PDE3A: variants seen among roughly 807,000 people sequenced by gnomAD.
PDE3A encodes the protein cGMP-inhibited 3',5'-cyclic phosphodiesterase 3A.
PDE3A carries 43 observed loss-of-function variants against 98.3 expected under a neutral mutation model. That is an observed-to-expected ratio of 0.44 (90% CI 0.34 to 0.56). The LOEUF (loss-of-function observed/expected upper bound fraction) is 0.56, where lower values mean the gene tolerates loss of function less well. Ranked by LOEUF, PDE3A falls within the 20% of genes least tolerant of loss-of-function variation. The probability of loss-of-function intolerance (pLI) is 0.01; values close to 1 mark genes in which losing one functional copy is unlikely to be tolerated. For missense variants in PDE3A, 1,427 were observed against 1,440.7 expected (o/e 0.99, Z 0.15); for synonymous variants, 663 against 567.9 (o/e 1.17, Z -2.38).
At chr12:20,459,586 T>C (rs1031023354) in intron 1 of PDE3A, among the ~76,000 whole-genome samples, 2 of 152,190 alleles carry the variant, frequency 1.3e-5, no homozygotes, top group Non-Finnish European at 1.5e-5. Context: ...ATCAAGAGAT[T>C]GTTTTACATT....
At chr12:20,679,310 C>G (rs967228983) in intron 15 of PDE3A, among the ~76,000 whole-genome samples, 18 of 152,162 alleles carry the variant, frequency 1.2e-4, no homozygotes, top group Admixed American at 5.9e-4. Context: ...TGCAGTGGCT[C>G]TATCTCAGCT....
chr12:20,499,142 A>G (rs1021749093), intron 1 of PDE3A, among the ~76,000 whole-genome samples: 1 of 152,182 alleles, frequency 6.6e-6, no homozygotes, highest in African/African-American at 2.4e-5. Flanking sequence ...TACTTAGTCT[A>G]ACGGTTCTAC....
Position 20,499,788 on chromosome 12 carries a change from C to G in PDE3A, c.961-56872C>G, listed in dbSNP as rs7302500. Among the ~76,000 whole-genome samples the G allele has an allele frequency of 5.8e-3, 883 of 152,274 alleles. 10 individuals carry two copies. The highest frequency in any genetic ancestry group is 0.02 in the African/African-American group (842 of 41,554). On this transcript the variant is annotated intron_variant, in intron 1 of 15. Transcript: ENST00000359062. ...ATATAACCTGCATATATTTTCTCAG[C>G]TCATATTACTAGTTCCTTTATTATA...
At chr12:20,512,917 G>T (rs965250907) in intron 1 of PDE3A, among the ~76,000 whole-genome samples, 2 of 152,008 alleles carry the variant, frequency 1.3e-5, no homozygotes, top group South Asian at 4.1e-4. Flanking sequence ...CAATAATGCC[G>T]TATTATTCAT....
intron 1 of PDE3A, among the ~76,000 whole-genome samples, chr12:20,391,995 A>G (rs535031685): frequency 6.6e-6 from 1 of 151,906 alleles, no homozygotes; most frequent in Non-Finnish European, 1.5e-5. Context: ...GGGACGTGTA[A>G]TTTTGTCGTA....
intron 1 of PDE3A, among the ~76,000 whole-genome samples, chr12:20,482,719 A>G (rs1470895035): frequency 3.9e-5 from 6 of 152,350 alleles, no homozygotes; most frequent in African/African-American, 9.6e-5. Context: ...ATAAATATCC[A>G]TTTAATCAAA....
intron 1 of PDE3A, among the ~76,000 whole-genome samples, chr12:20,547,638 C>G (rs1942091881): frequency 6.6e-6 from 1 of 151,862 alleles, no homozygotes; most frequent in Admixed American, 6.6e-5. Context: ...TTTTTCATAT[C>G]TAAAACTTCT....
At chr12:20,567,198 CATT>C (rs1011404495) in intron 2 of PDE3A, among the ~76,000 whole-genome samples, 1 of 151,868 alleles carries the variant, frequency 6.6e-6, no homozygotes, top group Non-Finnish European at 1.5e-5. Flanking sequence ...TAAATGAAAA[CATT>C]ATAATTTATG....
chr12:20,375,075 T>A (rs1943546774), intron 1 of PDE3A, among the ~76,000 whole-genome samples: 1 of 151,916 alleles, frequency 6.6e-6, no homozygotes, highest in African/African-American at 2.4e-5. Flanking sequence ...CCTGCTCCAT[T>A]TCTGTGTGGT....
At chr12:20,568,718 T>C (rs1439900343) in intron 2 of PDE3A, among the ~76,000 whole-genome samples, 1 of 152,040 alleles carries the variant, frequency 6.6e-6, no homozygotes, top group Non-Finnish European at 1.5e-5. Context: ...GCTATACGAC[T>C]GCTTAGAAAT....
chr12:20,606,876 A>G (rs943191212), intron 2 of PDE3A, among the ~76,000 whole-genome samples: 2 of 151,848 alleles, frequency 1.3e-5, no homozygotes, highest in African/African-American at 4.8e-5. Context: ...AAAAATTAAA[A>G]CAAATTTTCT....
In PDE3A at chr12:20,613,710, A is replaced by C; in HGVS notation, c.1269+10A>C. The C allele has an allele frequency of 6.2e-7, 1 of 1,606,642 alleles. No homozygotes were observed. Among genetic ancestry groups the C allele is most frequent in the Non-Finnish European group, 8.5e-7 (1 of 1,173,204 alleles). On this transcript the variant is annotated intron_variant, in intron 3 of 15. Transcript: ENST00000359062. Reference sequence around the variant, plus strand: ...GCTTGCTATTCCAAAGGTAGGTAGTAATGACATACCCCTTAAAGGGTTAAA... The same window carrying C: ...GCTTGCTATTCCAAAGGTAGGTAGTCATGACATACCCCTTAAAGGGTTAAA...
At chr12:20,603,453 A>G (rs1943640908) in intron 2 of PDE3A, among the ~76,000 whole-genome samples, 1 of 152,230 alleles carries the variant, frequency 6.6e-6, no homozygotes, top group Admixed American at 6.5e-5. Flanking sequence ...AATTAAAATC[A>G]GGACTATTAT....
At chr12:20,626,200 ATAATT>A (rs1471138631) in intron 5 of PDE3A, among the ~76,000 whole-genome samples, 1 of 148,992 alleles carries the variant, frequency 6.7e-6, no homozygotes, top group African/African-American at 2.6e-5. Flanking sequence ...TGTATCTGAA[ATAATT>A]TATTTATAGT....
At chr12:20,668,327 C>T (rs1481962121) in intron 15 of PDE3A, among the ~76,000 whole-genome samples, 4 of 150,848 alleles carry the variant, frequency 2.7e-5, no homozygotes, top group East Asian at 2.0e-4. Flanking sequence ...CCAGGAAGCT[C>T]GAACTGGGTG....
intron 1 of PDE3A, among the ~76,000 whole-genome samples, chr12:20,400,090 C>CT (rs34361650): frequency 0.055 from 8,400 of 152,056 alleles, 715 homozygotes; most frequent in African/African-American, 0.18. Context: ...TTAGTAGATA[C>CT]TTTAACACTA....
intron 10 of PDE3A, among the ~76,000 whole-genome samples, chr12:20,642,406 A>G (rs1944665104): frequency 6.6e-6 from 1 of 152,224 alleles, no homozygotes; most frequent in Admixed American, 6.5e-5. Flanking sequence ...TATTTGTTCA[A>G]TCAAACTTAG....
At chr12:20,596,778 A>T (rs1943477483) in intron 2 of PDE3A, among the ~76,000 whole-genome samples, 1 of 152,188 alleles carries the variant, frequency 6.6e-6, no homozygotes, top group East Asian at 1.9e-4. Context: ...GAAAGAAGGG[A>T]GTCAACCATG....
At chr12:20,485,085 A>G (rs11045280) in intron 1 of PDE3A, among the ~76,000 whole-genome samples, 4 of 152,204 alleles carry the variant, frequency 2.6e-5, no homozygotes, top group Non-Finnish European at 5.9e-5. Context: ...TGTTGTCACA[A>G]AGTACCAAAA....
Sources: gnomAD v4.1 joint callset for allele counts (sites outside exome capture counted in the v4.1 genomes callset) on GRCh38, gnomAD v4.1.1 for gene constraint, MANE v1.5 for transcripts, NCBI Gene and HGNC (gene_info 2026-07-23, HGNC 2026-07-21) for gene names.